The following DYRK4 variants were observed in gnomAD, a reference collection of about 807,000 sequenced individuals.
DYRK4 encodes dual specificity tyrosine-phosphorylation-regulated kinase 4.
In DYRK4, 64 loss-of-function variants were observed where a neutral mutation model predicts 68.3. The observed-to-expected ratio is 0.94, with a 90% CI of 0.77 to 1.15. DYRK4 has a LOEUF of 1.15. DYRK4 is among the 50% of genes most tolerant of loss of function. DYRK4 has a pLI of 0.00. For missense variants in DYRK4, 740 were observed against 764.7 expected (o/e 0.97, Z 0.38); for synonymous variants, 274 against 289.9 (o/e 0.95, Z 0.56).
chr12:4,606,005 T>C (rs928767395), intron 11 of DYRK4, among the ~76,000 whole-genome samples: 2 of 152,182 alleles, frequency 1.3e-5, no homozygotes, highest in Non-Finnish European at 2.9e-5. Context: ...AAACAAAGAA[T>C]TGGAAATTAT....
chr12:4,566,585 A>C (rs1944679633), intron 1 of DYRK4, among the ~76,000 whole-genome samples: 1 of 152,190 alleles, frequency 6.6e-6, no homozygotes, highest in African/African-American at 2.4e-5. Context: ...CATCGATCAC[A>C]TGCATTGTCA....
chr12:4,579,104 G>A (rs550146562), intron 2 of DYRK4, among the ~76,000 whole-genome samples: 11 of 151,962 alleles, frequency 7.2e-5, no homozygotes, highest in Admixed American at 3.3e-4. Context: ...GTGAAACCCC[G>A]TCTCTACTAA....
intron 2 of DYRK4, chr12:4,573,208 C>G: frequency 2.7e-6 from 2 of 750,550 alleles, no homozygotes; most frequent in Non-Finnish European, 3.9e-6. Context: ...TAATCGTAAG[C>G]AGCCAATCTA....
chr12:4,596,103 TG>T, intron 6 of DYRK4, 45 bp from the exon 7 acceptor site: 1 of 1,602,150 alleles, frequency 6.2e-7, no homozygotes, highest in Non-Finnish European at 8.5e-7. Flanking sequence ...CAGGAAGGCC[TG>T]GGAGCCCATG....
At chr12:4,564,970 G>A (rs981114907) in intron 1 of DYRK4, among the ~76,000 whole-genome samples, 3 of 152,136 alleles carry the variant, frequency 2.0e-5, no homozygotes, top group East Asian at 1.9e-4. Context: ...ACGATTGAAC[G>A]CTCGAGGAAA....
intron 11 of DYRK4, among the ~76,000 whole-genome samples, chr12:4,606,663 T>C (rs1265615975): frequency 6.6e-6 from 1 of 152,154 alleles, no homozygotes; most frequent in Non-Finnish European, 1.5e-5. Context: ...CTGCTTCCAA[T>C]ACCAAAGAGA....
Position 4,589,014 on chromosome 12 carries a change from T to C in DYRK4, c.210T>C (p.His70=), listed in dbSNP as rs918328296. 1.0e-5 allele frequency: 16 copies of C among 1,535,932 alleles called. No homozygotes were observed. The African/African-American group carries it at 1.9e-4, about 18-fold the overall frequency. Residue 70 remains histidine, a synonymous_variant, in exon 3 of 15, where the codon CAT becomes CAC. Transcript: ENST00000543431. ...ACTCCAGAATGACCCAAGTCTTTCATAAGGTAGGGAGTGATGGTCAGCTCC... is the reference window on the plus strand; with the variant it reads ...ACTCCAGAATGACCCAAGTCTTTCACAAGGTAGGGAGTGATGGTCAGCTCC... ...IKNSRMTQVF[H]KNTSVTSLPF... is the part of the protein sequence containing the mutation.
intron 2 of DYRK4, among the ~76,000 whole-genome samples, chr12:4,585,102 C>T (rs1420497658): frequency 6.6e-6 from 1 of 152,180 alleles, no homozygotes; most frequent in Admixed American, 6.5e-5. Flanking sequence ...TGTTCAGATC[C>T]TATGGGTTTA....
At chr12:4,585,457 G>T (rs1944886657) in intron 2 of DYRK4, among the ~76,000 whole-genome samples, 1 of 152,180 alleles carries the variant, frequency 6.6e-6, no homozygotes, top group African/African-American at 2.4e-5. Flanking sequence ...CATAAAAAAT[G>T]ATGAGTTCAT....
intron 2 of DYRK4, among the ~76,000 whole-genome samples, chr12:4,576,628 A>T (rs1478714213): frequency 6.6e-6 from 1 of 152,170 alleles, no homozygotes; most frequent in Non-Finnish European, 1.5e-5. Flanking sequence ...CTGCCTTCCC[A>T]CCAACAATGA....
Position 4,612,561 on chromosome 12 carries a change from C to T in DYRK4, c.1509C>T (p.Arg503=). 1 of 1,614,156 alleles carries T rather than the reference C, an allele frequency of 6.2e-7. No individual in the cohort carries two copies. Among genetic ancestry groups the T allele is most frequent in the Non-Finnish European group, 8.5e-7 (1 of 1,179,984 alleles). The change falls in exon 14 of 15, where the codon CGC becomes CGT. Residue 503 remains arginine, a synonymous_variant. Coordinates refer to ENST00000543431, the MANE Select transcript of DYRK4 (RefSeq NM_001394779.1). ...GGTGCAGATGGGAACCTTCTCTTCGCATGACCCCGGACCAGGCCCTCAAGC... is the reference window on the plus strand; with the variant it reads ...GGTGCAGATGGGAACCTTCTCTTCGTATGACCCCGGACCAGGCCCTCAAGC... ...RRCLVWEPSL[R]MTPDQALKHA... is the part of the protein sequence containing the mutation.
At chr12:4,579,604 AT>A (rs1591790584) in intron 2 of DYRK4, among the ~76,000 whole-genome samples, 1 of 152,250 alleles carries the variant, frequency 6.6e-6, no homozygotes, top group East Asian at 1.9e-4. Context: ...GGCAGAAGAA[AT>A]AACATATACA....
intron 2 of DYRK4, among the ~76,000 whole-genome samples, chr12:4,569,897 G>A (rs1044904582): frequency 1.3e-5 from 2 of 151,950 alleles, no homozygotes; most frequent in African/African-American, 4.8e-5. Context: ...TTACGATGAC[G>A]GGAATTGTCA....
In DYRK4 at chr12:4,596,291, G is replaced by C. The variant is rs746194856; in HGVS notation, c.764+6G>C. 7 of 1,614,162 alleles carry C rather than the reference G, an allele frequency of 4.3e-6. No homozygotes were observed. The highest frequency in any genetic ancestry group is 5.9e-6 in the Non-Finnish European group (7 of 1,180,026). On this transcript the variant is annotated splice_donor_region_variant and intron_variant, in intron 7 of 14. Coordinates refer to ENST00000543431, the MANE Select transcript of DYRK4 (RefSeq NM_001394779.1). ...ATCATCAGGAACAAGAAGAGGTGTGGCTTGGGGATGACATAGGCCACAGAG... is the reference window on the plus strand; with the variant it reads ...ATCATCAGGAACAAGAAGAGGTGTGCCTTGGGGATGACATAGGCCACAGAG...
At chr12:4,586,269 G>C (rs2137352783) in intron 2 of DYRK4, among the ~76,000 whole-genome samples, 1 of 152,242 alleles carries the variant, frequency 6.6e-6, no homozygotes, top group Non-Finnish European at 1.5e-5. Flanking sequence ...TAGAGGCAGG[G>C]CCCAGGTCTT....
chr12:4,598,209 C>G (rs1261466219), intron 8 of DYRK4, among the ~76,000 whole-genome samples: 1 of 152,108 alleles, frequency 6.6e-6, no homozygotes, highest in Non-Finnish European at 1.5e-5. Context: ...GACCCCATCT[C>G]TAAAAAAACA....
intron 11 of DYRK4, among the ~76,000 whole-genome samples, chr12:4,606,351 A>G (rs1050448002): frequency 6.6e-6 from 1 of 151,564 alleles, no homozygotes; most frequent in African/African-American, 2.4e-5. Context: ...TATCTTTGCC[A>G]AATTTCTATT....
At chr12:4,586,714 A>ACG in intron 2 of DYRK4, among the ~76,000 whole-genome samples, 1 of 102,024 alleles carries the variant, frequency 9.8e-6, no homozygotes, top group African/African-American at 3.2e-5. Context: ...GTACACACAC[A>ACG]CACACACACA....
intron 10 of DYRK4, 62 bp from the exon 11 acceptor site, chr12:4,604,852 G>GA (rs1945122455): frequency 6.7e-7 from 1 of 1,492,086 alleles, no homozygotes; most frequent in East Asian, 2.5e-5. Flanking sequence ...TTGTCCTGGG[G>GA]GAGAGCGTTC....
Sources: gnomAD v4.1 joint callset for allele counts (sites outside exome capture counted in the v4.1 genomes callset) on GRCh38, gnomAD v4.1.1 for gene constraint, MANE v1.5 for transcripts, NCBI Gene and HGNC (gene_info 2026-07-23, HGNC 2026-07-21) for gene names.